Variants in NEK1 observed in about 807,000 individuals in gnomAD.
NEK1 encodes the protein serine/threonine-protein kinase Nek1.
NEK1 carries 137 observed loss-of-function variants against 182.1 expected under a neutral mutation model. The observed-to-expected ratio is 0.75, with a 90% CI of 0.65 to 0.87. The LOEUF (loss-of-function observed/expected upper bound fraction) is 0.87. NEK1 is among the 40% of genes least tolerant of loss of function. The pLI, the probability that NEK1 is intolerant of heterozygous loss-of-function variation, is 0.00. For synonymous variants in NEK1, 513 were observed against 492.2 expected, an observed-to-expected ratio of 1.04 and a Z score of -0.56; for missense variants, 1,391 against 1,494.4, an observed-to-expected ratio of 0.93 and a Z score of 1.14.
At chr4:169,479,872 T>C (rs1387102269) in intron 23 of NEK1, among the ~76,000 whole-genome samples, 1 of 152,174 alleles carries the variant, frequency 6.6e-6, no homozygotes, top group Admixed American at 6.6e-5. Flanking sequence ...CTAAAAGAAA[T>C]GCTTTTGTAA....
intron 19 of NEK1, among the ~76,000 whole-genome samples, chr4:169,514,380 A>G (rs942109302): frequency 9.9e-5 from 15 of 152,196 alleles, no homozygotes; most frequent in African/African-American, 3.6e-4. Context: ...ATACAGTCTC[A>G]AAATGAGTTG....
chr4:169,406,901 T>TA (rs1456962837), intron 31 of NEK1, among the ~76,000 whole-genome samples, 154 bp from the exon 32 acceptor site: 18 of 151,240 alleles, frequency 1.2e-4, no homozygotes, highest in African/African-American at 4.1e-4. Context: ...ATGTAACATA[T>TA]AAAAAATATA....
rs1342933440 is a variant in NEK1, at chr4:169,424,628, T to C, written c.3147A>G (p.Leu1049=). 1.2e-6 allele frequency: 2 copies of C among 1,613,302 alleles called. No individual in the cohort carries two copies. The highest frequency in any genetic ancestry group is 1.1e-5 in the South Asian group (1 of 90,952). Residue 1049 remains leucine (L), a synonymous_variant, in exon 31 of 36, where the codon TTA becomes TTG. Coordinates refer to ENST00000507142, the MANE Select transcript of NEK1 (RefSeq NM_001199397.3). The stretch of plus-strand genomic sequence containing the variant: ...AATTCTTGTTTTTATTTTTTGGTGG[T>C]AAATGCGAGTGAGATCGAAATGCAA... ...ESFAFRSHSH[L]PPKNKNKNSL...
At chr4:169,578,884 G>A (rs1268055988) in intron 11 of NEK1, among the ~76,000 whole-genome samples, 3 of 152,072 alleles carry the variant, frequency 2.0e-5, no homozygotes, top group African/African-American at 7.2e-5. Context: ...AAACCAGGAA[G>A]CATGAGAAAA....
chr4:169,456,756 GT>G (rs948433434), intron 27 of NEK1, among the ~76,000 whole-genome samples: 3 of 152,164 alleles, frequency 2.0e-5, no homozygotes, highest in Non-Finnish European at 4.4e-5. Flanking sequence ...GATATCTGCA[GT>G]TCCATGTTTA....
At chr4:169,439,382 T>G (rs1354214609) in intron 27 of NEK1, among the ~76,000 whole-genome samples, 1 of 152,250 alleles carries the variant, frequency 6.6e-6, no homozygotes, top group Non-Finnish European at 1.5e-5. Flanking sequence ...ATCAAGTATT[T>G]ATAAGTTGTT....
chr4:169,557,152 A>C (rs1200891830), intron 16 of NEK1, among the ~76,000 whole-genome samples: 1 of 152,194 alleles, frequency 6.6e-6, no homozygotes, highest in Non-Finnish European at 1.5e-5. Context: ...CAGAGGAATT[A>C]ATTAGAAGGA....
intron 26 of NEK1, among the ~76,000 whole-genome samples, chr4:169,474,858 G>C (rs1746660794): frequency 6.6e-6 from 1 of 152,094 alleles, no homozygotes; most frequent in Admixed American, 6.6e-5. Flanking sequence ...GCCTAGATTA[G>C]TGCAATAGCC....
chr4:169,464,333 C>T (rs1744530026), intron 26 of NEK1, among the ~76,000 whole-genome samples: 1 of 152,142 alleles, frequency 6.6e-6, no homozygotes, highest in Non-Finnish European at 1.5e-5. Context: ...TAAAAGGTTA[C>T]TCTATGCTGT....
intron 19 of NEK1, among the ~76,000 whole-genome samples, chr4:169,531,754 A>G (rs1264865295): frequency 1.3e-5 from 2 of 152,190 alleles, no homozygotes; most frequent in African/African-American, 4.8e-5. Flanking sequence ...GAGGAGGGAT[A>G]TGCTAACTCA....
intron 23 of NEK1, among the ~76,000 whole-genome samples, chr4:169,502,687 T>G (rs1309790109): frequency 6.6e-6 from 1 of 152,158 alleles, no homozygotes; most frequent in African/African-American, 2.4e-5. Flanking sequence ...CATTGCTTTA[T>G]GATAAAAAAC....
In NEK1 at chr4:169,463,330, T is replaced by A. The variant is rs187263822; in HGVS notation, c.2500A>T (p.Ser834Cys). Residue 834 changes from serine to cysteine, a missense_variant, in exon 27 of 36, where the codon AGT becomes TGT. Ser to Cys is a moderately radical substitution (Grantham distance 112). Transcript: ENST00000507142. Reference sequence around the variant, plus strand: ...ATCTTTAGAACAGAATCTGTCGGACTTTTCCCCCAGGCTCTTCTTGGAGAT... The same window carrying A: ...ATCTTTAGAACAGAATCTGTCGGACATTTCCCCCAGGCTCTTCTTGGAGAT... ...NGSPRRAWGK[S>C]PTDSVLKILG... 30 of 1,609,768 alleles carry A rather than the reference T, an allele frequency of 1.9e-5. No homozygotes were observed. The African/African-American group carries it at 3.7e-4, about 20-fold the overall frequency.
intron 23 of NEK1, among the ~76,000 whole-genome samples, chr4:169,489,496 C>T (rs1303041901): frequency 6.6e-6 from 1 of 152,152 alleles, no homozygotes; most frequent in African/African-American, 2.4e-5. Context: ...CTAAGTATGG[C>T]CATATACAGA....
chr4:169,408,996 G>C (rs1485534832), intron 31 of NEK1, among the ~76,000 whole-genome samples: 3 of 152,154 alleles, frequency 2.0e-5, no homozygotes, highest in Admixed American at 1.3e-4. Context: ...CCAGTGGTGG[G>C]ATTGCTGGAT....
chr4:169,566,543 T>TA lies in NEK1; in HGVS notation c.1021-4348dup, dbSNP rs565810694. On this transcript the variant is annotated intron_variant, in intron 12 of 35. Transcript: ENST00000507142. The stretch of plus-strand genomic sequence containing the variant: ...CACTCCTTTGCTTTAACAGAGCCTT[T>TA]AAAAAAAAACCTATGACTTACAGGA... 6.9e-3 allele frequency among the ~76,000 whole-genome samples: 1,045 copies of TA among 151,230 alleles called. 9 individuals carry two copies. Among genetic ancestry groups the TA allele is most frequent in the African/African-American group, 0.024 (997 of 41,266 alleles).
chr4:169,407,918 C>T (rs1394900450), intron 31 of NEK1, among the ~76,000 whole-genome samples: 1 of 152,178 alleles, frequency 6.6e-6, no homozygotes, highest in Non-Finnish European at 1.5e-5. Context: ...AGGGAAAAAT[C>T]GTTATGAACT....
At chr4:169,536,680 G>T (rs1444887952) in intron 19 of NEK1, among the ~76,000 whole-genome samples, 1 of 151,444 alleles carries the variant, frequency 6.6e-6, no homozygotes, top group African/African-American at 2.4e-5. Flanking sequence ...ATAAACTGAG[G>T]GGGGAATAGT....
At chr4:169,507,625 G>T in intron 22 of NEK1, 90 bp downstream of exon 22, 1 of 824,754 alleles carries the variant, frequency 1.2e-6, no homozygotes, top group Non-Finnish European at 1.9e-6. Flanking sequence ...AGAGACTAAA[G>T]TGATATAACT....
At chr4:169,506,336 T>A (rs1753244252) in intron 23 of NEK1, among the ~76,000 whole-genome samples, 1 of 152,214 alleles carries the variant, frequency 6.6e-6, no homozygotes, top group African/African-American at 2.4e-5. Context: ...TCATTCACTG[T>A]TTTATATAAG....
Sources: gnomAD v4.1 joint callset for allele counts (sites outside exome capture counted in the v4.1 genomes callset) on GRCh38, gnomAD v4.1.1 for gene constraint, MANE v1.5 for transcripts, NCBI Gene and HGNC (gene_info 2026-07-23, HGNC 2026-07-21) for gene names.